TRIM64B: variants seen among roughly 807,000 people sequenced by gnomAD.
The protein encoded by TRIM64B is tripartite motif-containing protein 64B.
For missense variants in TRIM64B, 57 were observed against 536.4 expected, an observed-to-expected ratio of 0.11 and a Z score of 8.83; for synonymous variants, 17 against 190.3, an observed-to-expected ratio of 0.09 and a Z score of 7.50.
chr11:89,871,333 A>G (rs1215202396), intron 5 of TRIM64B, among the ~76,000 whole-genome samples: 1 of 152,320 alleles, frequency 6.6e-6, no homozygotes, highest in East Asian at 1.9e-4. Context: ...ACGTGACCAT[A>G]CCACAGGGGA....
At chr11:89,877,937 A>G (rs1590887863), upstream of TRIM64B, among the ~76,000 whole-genome samples, 1 of 148,852 alleles carries the variant, frequency 6.7e-6, no homozygotes, top group South Asian at 2.1e-4. Context: ...ATCTATTTTC[A>G]ACAGCTTTCA....
At chr11:89,876,414 CAAG>C (rs1468357781), upstream of TRIM64B, among the ~76,000 whole-genome samples, 25 of 149,142 alleles carry the variant, frequency 1.7e-4, 2 homozygotes, top group East Asian at 4.8e-3. Flanking sequence ...TTAGGAACAG[CAAG>C]AAGATTAAAA....
chr11:89,877,308 GT>G (rs541129118), upstream of TRIM64B, among the ~76,000 whole-genome samples: 19 of 117,148 alleles, frequency 1.6e-4, no homozygotes, highest in South Asian at 5.7e-3. Flanking sequence ...AATTAGGAAA[GT>G]TTTTTCCCAT....
intron 5 of TRIM64B, among the ~76,000 whole-genome samples, 162 bp from the exon 7 acceptor site, chr11:89,871,276 C>A (rs1347607300): frequency 6.6e-6 from 1 of 152,242 alleles, no homozygotes; most frequent in Admixed American, 6.5e-5. Context: ...TATTACACCT[C>A]TACAGCACAT....
chr11:89,874,589 T>C (rs1209190932), intron 2 of TRIM64B, among the ~76,000 whole-genome samples: 1 of 26,822 alleles, frequency 3.7e-5, no homozygotes, highest in Non-Finnish European at 7.2e-5. Context: ...TTTGCCTGCA[T>C]GCTAAAAAAC....
chr11:89,875,131 C>A (rs187807953), intron 1 of TRIM64B, 58 bp from the exon 3 acceptor site: 3 of 1,533,502 alleles, frequency 2.0e-6, no homozygotes, highest in African/African-American at 1.4e-5. Flanking sequence ...ATTTCATACC[C>A]TTATCTTAAA....
intron 1 of TRIM64B, among the ~76,000 whole-genome samples, 170 bp downstream of exon 2, chr11:89,875,440 G>C (rs1453204043): frequency 3.3e-5 from 5 of 152,286 alleles, no homozygotes; most frequent in Non-Finnish European, 7.3e-5. Flanking sequence ...GCTATGATTA[G>C]AGTGCCAAAT....
chr11:89,875,129 C>T, intron 1 of TRIM64B, 56 bp from the exon 3 acceptor site: 7 of 1,533,532 alleles, frequency 4.6e-6, no homozygotes, highest in Non-Finnish European at 6.2e-6. Flanking sequence ...AGATTTCATA[C>T]CCTTATCTTA....
At chr11:89,875,545 A>G in intron 1 of TRIM64B, 65 bp downstream of exon 2, 4 of 1,148,478 alleles carry the variant, frequency 3.5e-6, no homozygotes, top group Non-Finnish European at 4.8e-6. Flanking sequence ...CATCATTATC[A>G]CAGGCCCTCA....
At chr11:89,877,751 C>G (rs2076542810), upstream of TRIM64B, among the ~76,000 whole-genome samples, 1 of 149,432 alleles carries the variant, frequency 6.7e-6, no homozygotes, top group Non-Finnish European at 1.5e-5. Flanking sequence ...TCCTGAGTAG[C>G]TGGTATTACA....
At chr11:89,872,246 A>C (rs1161025847) in exon 5 of TRIM64B, 1 of 1,518,958 alleles carries the variant, frequency 6.6e-7, no homozygotes, top group East Asian at 2.5e-5. Context: ...CTAGGACTCC[A>C]GTTATGCACC....
exon 6 of TRIM64B, chr11:89,870,609 GA>G: frequency 6.5e-7 from 1 of 1,547,100 alleles, no homozygotes; most frequent in East Asian, 2.5e-5. Flanking sequence ...AAATCATCGT[GA>G]AACCAACTTT....
chr11:89,872,868 G>A (rs1220607982), intron 4 of TRIM64B, among the ~76,000 whole-genome samples: 1 of 151,588 alleles, frequency 6.6e-6, no homozygotes, highest in Non-Finnish European at 1.5e-5. Flanking sequence ...ATGCTTTTAG[G>A]AGCAAAACAT....
At chr11:89,877,288 T>C (rs1950171250), upstream of TRIM64B, among the ~76,000 whole-genome samples, 1 of 110,790 alleles carries the variant, frequency 9.0e-6, no homozygotes, top group Non-Finnish European at 1.9e-5. Context: ...AAATAATATC[T>C]ATTATTTTTA....
intron 1 of TRIM64B, 144 bp from the exon 3 acceptor site, chr11:89,875,217 T>A (rs1302164289): frequency 1.6e-5 from 11 of 709,658 alleles, no homozygotes; most frequent in Non-Finnish European, 2.4e-5. Context: ...TAAACACATT[T>A]GGTTCTAATA....
chr11:89,871,429 G>C (rs967673157), intron 5 of TRIM64B, among the ~76,000 whole-genome samples: 2 of 152,176 alleles, frequency 1.3e-5, no homozygotes, highest in Admixed American at 6.5e-5. Context: ...AACTCTCCTT[G>C]TATTATTTGT....
upstream of TRIM64B, among the ~76,000 whole-genome samples, chr11:89,876,790 T>C (rs1347242848): frequency 6.7e-6 from 1 of 149,406 alleles, no homozygotes; most frequent in East Asian, 2.0e-4. Context: ...ATTTTTTATC[T>C]GAGATTAGTT....
At chr11:89,878,223 T>C (rs1177578203), upstream of TRIM64B, among the ~76,000 whole-genome samples, 14 of 130,774 alleles carry the variant, frequency 1.1e-4, no homozygotes, top group Non-Finnish European at 2.1e-4. Flanking sequence ...ATCTTACAAA[T>C]TGAAGATACT....
intron 4 of TRIM64B, among the ~76,000 whole-genome samples, chr11:89,872,778 C>G (rs1356945742): frequency 6.6e-6 from 1 of 151,790 alleles, no homozygotes; most frequent in African/African-American, 2.4e-5. Context: ...AACCCTGCTG[C>G]TGAGGGGCCC....
Sources: gnomAD v4.1 joint callset for allele counts (sites outside exome capture counted in the v4.1 genomes callset) on GRCh38, gnomAD v4.1.1 for gene constraint, MANE v1.5 for transcripts, NCBI Gene and HGNC (gene_info 2026-07-23, HGNC 2026-07-21) for gene names.